FGF12: variants seen among roughly 807,000 people sequenced by gnomAD.
FGF12 encodes the protein fibroblast growth factor 12.
In FGF12, 14 loss-of-function variants were observed where a neutral mutation model predicts 23.6. That is an observed-to-expected ratio of 0.59 (90% CI 0.39 to 0.93). FGF12 has a LOEUF of 0.93. Among genes scored for constraint, FGF12 ranks in the 40% least tolerant of loss-of-function variants. The pLI is 0.00. For missense variants in FGF12, 175 were observed against 217.8 expected (o/e 0.80, Z 1.24); for synonymous variants, 62 against 77.3 (o/e 0.80, Z 1.04).
At chr3:192,355,440 G>A (rs977922906) in intron 3 of FGF12, among the ~76,000 whole-genome samples, 2 of 152,184 alleles carry the variant, frequency 1.3e-5, no homozygotes, top group African/African-American at 4.8e-5. Context: ...TCAAGAATGT[G>A]CCCAGGTGGC....
At chr3:192,630,179 G>C (rs1473912095) in intron 2 of FGF12, among the ~76,000 whole-genome samples, 1 of 152,130 alleles carries the variant, frequency 6.6e-6, no homozygotes, top group Non-Finnish European at 1.5e-5. Context: ...TGATGCGCCT[G>C]GTCCCTCTTT....
At chr3:192,503,524 AT>A (rs1488958307) in intron 2 of FGF12, among the ~76,000 whole-genome samples, 2 of 142,738 alleles carry the variant, frequency 1.4e-5, no homozygotes, top group African/African-American at 5.3e-5. Context: ...ACCAAATTGA[AT>A]TTTTTTCTGA....
chr3:192,333,810 C>T (rs1188290091), intron 4 of FGF12, among the ~76,000 whole-genome samples: 2 of 152,034 alleles, frequency 1.3e-5, no homozygotes, highest in Non-Finnish European at 2.9e-5. Context: ...TATTAATGTG[C>T]ACTGGGGAGA....
chr3:192,350,143 C>G (rs1718151265), intron 3 of FGF12, among the ~76,000 whole-genome samples: 1 of 151,932 alleles, frequency 6.6e-6, no homozygotes, highest in South Asian at 2.1e-4. Flanking sequence ...TGTCAATGCC[C>G]TTAAGTAGTT....
chr3:192,272,942 A>C (rs892673832), intron 4 of FGF12, among the ~76,000 whole-genome samples: 4 of 152,154 alleles, frequency 2.6e-5, no homozygotes, highest in African/African-American at 9.7e-5. Flanking sequence ...CTCAACCTCC[A>C]TCTCTTTTTC....
intron 4 of FGF12, among the ~76,000 whole-genome samples, chr3:192,286,416 T>C (rs1054805046): frequency 3.3e-5 from 5 of 152,028 alleles, no homozygotes; most frequent in African/African-American, 7.2e-5. Context: ...TACTGAGTTA[T>C]GGAGAATTTA....
At chr3:192,264,766 T>C (rs185373714) in intron 4 of FGF12, among the ~76,000 whole-genome samples, 317 of 152,218 alleles carry the variant, frequency 2.1e-3, no homozygotes, top group Non-Finnish European at 3.6e-3. Flanking sequence ...TTATCAAGAC[T>C]CTACTTCTCA....
intron 2 of FGF12, among the ~76,000 whole-genome samples, chr3:192,580,440 G>C (rs1398570153): frequency 6.6e-6 from 1 of 152,034 alleles, no homozygotes; most frequent in Non-Finnish European, 1.5e-5. Flanking sequence ...AGTGACCGCT[G>C]AACTGTGGAG....
intron 4 of FGF12, among the ~76,000 whole-genome samples, chr3:192,204,865 G>C (rs777645390): frequency 2.6e-5 from 4 of 151,832 alleles, no homozygotes; most frequent in Non-Finnish European, 5.9e-5. Flanking sequence ...CTCCAGCCTG[G>C]GCGATAGAGT....
intron 2 of FGF12, among the ~76,000 whole-genome samples, chr3:192,580,172 A>G (rs751084328): frequency 5.3e-5 from 8 of 152,080 alleles, no homozygotes; most frequent in Non-Finnish European, 1.2e-4. Flanking sequence ...ATTTGCTTAT[A>G]TACTTACTTA....
At chr3:192,586,250 T>C (rs1368006587) in intron 2 of FGF12, among the ~76,000 whole-genome samples, 1 of 152,110 alleles carries the variant, frequency 6.6e-6, no homozygotes, top group Non-Finnish European at 1.5e-5. Flanking sequence ...ACAAATGAAA[T>C]ACTGAAGCAG....
At chr3:192,310,587 G>A (rs374471648) in intron 4 of FGF12, among the ~76,000 whole-genome samples, 1 of 152,096 alleles carries the variant, frequency 6.6e-6, no homozygotes, top group African/African-American at 2.4e-5. Context: ...GCTCAAAGGT[G>A]TCATTTTAAG....
At chr3:192,492,947 A>AT (rs1723842394) in intron 2 of FGF12, among the ~76,000 whole-genome samples, 2 of 147,396 alleles carry the variant, frequency 1.4e-5, no homozygotes, top group Non-Finnish European at 3.0e-5. Context: ...TGCCTGGTTA[A>AT]TTTTTGTAAT....
At chr3:192,642,212 T>A (rs1400918040) in intron 2 of FGF12, among the ~76,000 whole-genome samples, 3 of 152,212 alleles carry the variant, frequency 2.0e-5, no homozygotes, top group Non-Finnish European at 4.4e-5. Context: ...CACTTTCACA[T>A]CCATTATTCC....
chr3:192,177,612 C>A (rs897877943), intron 4 of FGF12, among the ~76,000 whole-genome samples: 1 of 152,200 alleles, frequency 6.6e-6, no homozygotes, highest in Non-Finnish European at 1.5e-5. Context: ...ACTGCTCTGG[C>A]TGAGATAACC....
intron 2 of FGF12, among the ~76,000 whole-genome samples, chr3:192,578,718 C>A (rs1018202608): frequency 3.3e-5 from 5 of 150,084 alleles, no homozygotes; most frequent in African/African-American, 9.8e-5. Context: ...CTCAAATTAT[C>A]AAATGAAAAG....
At position 192,477,606 on chromosome 3, in the gene FGF12, G is replaced by A. The variant is rs374389760; in HGVS notation, c.14-117068C>T. 1.4e-4 allele frequency among the ~76,000 whole-genome samples: 22 copies of A among 152,226 alleles called. No individual in the cohort carries two copies. The East Asian group carries it at 4.2e-3, about 29-fold the overall frequency. On this transcript the variant is annotated intron_variant, in intron 2 of 5. Transcript: ENST00000445105. ...CATTTATATTGTAGTTCCAGTTTCTGTAAGTATAGCAGCTATTGAAATGGA... is the reference window on the plus strand; with the variant it reads ...CATTTATATTGTAGTTCCAGTTTCTATAAGTATAGCAGCTATTGAAATGGA...
In FGF12 at chr3:192,665,128, G is replaced by C. The variant is rs940338485; in HGVS notation, c.13+62053C>G. ...AGATTGAGCTTTTTATTGAAATACAGGTAGTTACAAAATATTTCTTAAATG... is the reference window on the plus strand; with the variant it reads ...AGATTGAGCTTTTTATTGAAATACACGTAGTTACAAAATATTTCTTAAATG... On this transcript the variant is annotated intron_variant, in intron 2 of 5. Transcript: ENST00000445105. Among the ~76,000 whole-genome samples, 6 of 152,154 alleles carry C rather than the reference G, an allele frequency of 3.9e-5. No homozygotes were observed. In the South Asian group the frequency reaches 1.2e-3, roughly 32 times the overall value.
At chr3:192,477,957 C>G (rs1267573467) in intron 2 of FGF12, among the ~76,000 whole-genome samples, 1 of 152,148 alleles carries the variant, frequency 6.6e-6, no homozygotes, top group Non-Finnish European at 1.5e-5. Context: ...TAATTGCTTT[C>G]CCACATGGGC....
Sources: allele counts gnomAD v4.1 joint callset (sites outside exome capture counted in the v4.1 genomes callset), GRCh38; gene constraint gnomAD v4.1.1; transcripts MANE v1.5; gene names NCBI Gene and HGNC (gene_info 2026-07-23, HGNC 2026-07-21).